DCHS2: variants seen among roughly 807,000 people sequenced by gnomAD.
DCHS2 encodes the protein dachsous cadherin-related 2, also known as protocadherin-23.
DCHS2 carries 142 observed loss-of-function variants against 182.4 expected under a neutral mutation model. The ratio of observed to expected loss-of-function variants is 0.78; its 90% confidence interval spans 0.68 to 0.89. The LOEUF is 0.89. Among genes scored for constraint, DCHS2 ranks in the 40% least tolerant of loss-of-function variants. The pLI, the probability that DCHS2 is intolerant of heterozygous loss-of-function variation, is 0.00. For synonymous variants in DCHS2, 1,740 were observed against 1,663.3 expected (o/e 1.05, Z -1.12); for missense variants, 4,319 against 4,198.6 (o/e 1.03, Z -0.79).
intron 3 of DCHS2, among the ~76,000 whole-genome samples, chr4:154,358,770 C>T (rs1332004296): frequency 6.6e-6 from 1 of 151,410 alleles, no homozygotes; most frequent in Non-Finnish European, 1.5e-5. Context: ...TTTTTTTCAA[C>T]TTTATTGAGT....
chr4:154,357,410 T>C (rs1332988339), intron 3 of DCHS2: 3 of 837,790 alleles, frequency 3.6e-6, no homozygotes, highest in Admixed American at 3.9e-5. Context: ...CCTTTCTTCA[T>C]AGTCCAGGAC....
At chr4:154,295,849 G>C (rs1734903805) in intron 13 of DCHS2, among the ~76,000 whole-genome samples, 1 of 152,172 alleles carries the variant, frequency 6.6e-6, no homozygotes, top group South Asian at 2.1e-4. Context: ...CATGTGCCCA[G>C]CCTTACCAAG....
At chr4:154,379,143 A>G (rs975239666) in intron 1 of DCHS2, among the ~76,000 whole-genome samples, 4 of 152,218 alleles carry the variant, frequency 2.6e-5, no homozygotes, top group African/African-American at 7.2e-5. Context: ...GACATCACAG[A>G]AAAAGAGAAG....
chr4:154,404,883 T>C (rs1732332870), intron 1 of DCHS2, among the ~76,000 whole-genome samples: 1 of 152,224 alleles, frequency 6.6e-6, no homozygotes, highest in Non-Finnish European at 1.5e-5. Context: ...TAACCTGTCA[T>C]TCCCTGCTAC....
intron 13 of DCHS2, among the ~76,000 whole-genome samples, chr4:154,273,455 G>T (rs538270138): frequency 6.6e-6 from 1 of 151,978 alleles, no homozygotes. Context: ...GGGACTTGGG[G>T]GAAAAGGTGG....
chr4:154,440,854 A>G (rs1172634256), intron 1 of DCHS2, among the ~76,000 whole-genome samples: 2 of 152,240 alleles, frequency 1.3e-5, no homozygotes, highest in Non-Finnish European at 2.9e-5. Context: ...TCCTTGCCAC[A>G]TAACTCAGAC....
intron 10 of DCHS2, among the ~76,000 whole-genome samples, chr4:154,309,371 C>T (rs1379667911): frequency 6.6e-6 from 1 of 152,136 alleles, no homozygotes; most frequent in Non-Finnish European, 1.5e-5. Context: ...AATGGGACTT[C>T]CTTCTTCCTA....
chr4:154,366,165 G>A, intron 3 of DCHS2, 45 bp downstream of exon 3: 1 of 1,534,178 alleles, frequency 6.5e-7, no homozygotes, highest in East Asian at 2.3e-5. Flanking sequence ...TAGTTAAGCA[G>A]AAACTTTATA....
intron 1 of DCHS2, among the ~76,000 whole-genome samples, chr4:154,480,788 T>A (rs1311523283): frequency 9.9e-5 from 15 of 152,198 alleles, no homozygotes. Context: ...TTAATATTCT[T>A]GTTAAAATTT....
chr4:154,417,143 C>T (rs895945454), intron 1 of DCHS2, among the ~76,000 whole-genome samples: 1 of 150,526 alleles, frequency 6.6e-6, no homozygotes. Flanking sequence ...CTGTCACCAC[C>T]TCAGGCCGGT....
intron 13 of DCHS2, among the ~76,000 whole-genome samples, chr4:154,289,407 C>T (rs562939345): frequency 3.9e-5 from 6 of 152,050 alleles, no homozygotes; most frequent in African/African-American, 7.2e-5. Flanking sequence ...AAAGCCTGAA[C>T]AGACCAATAA....
chr4:154,390,486 T>C (rs2110846278), intron 1 of DCHS2, among the ~76,000 whole-genome samples: 1 of 151,882 alleles, frequency 6.6e-6, no homozygotes, highest in South Asian at 2.1e-4. Flanking sequence ...ACCTCACTTT[T>C]ATATCACTAA....
At chr4:154,327,754 A>T (rs1736340237) in intron 7 of DCHS2, among the ~76,000 whole-genome samples, 1 of 152,150 alleles carries the variant, frequency 6.6e-6, no homozygotes, top group Non-Finnish European at 1.5e-5. Context: ...TCTTAGTCAT[A>T]CTTAATACCA....
chr4:154,267,710 G>GAA (rs34123074), intron 14 of DCHS2, among the ~76,000 whole-genome samples: 131,132 of 152,024 alleles, frequency 0.86, 57,319 homozygotes, highest in East Asian at 0.97. Context: ...TCTTCTTCCC[G>GAA]AAGCCTAGCT....
At chr4:154,313,873 T>C (rs920288324) in intron 10 of DCHS2, among the ~76,000 whole-genome samples, 1 of 152,202 alleles carries the variant, frequency 6.6e-6, no homozygotes, top group Non-Finnish European at 1.5e-5. Flanking sequence ...AAATTCTCAG[T>C]TGGCATACCA....
intron 1 of DCHS2, among the ~76,000 whole-genome samples, chr4:154,455,654 T>A (rs1399947648): frequency 2.0e-5 from 3 of 152,236 alleles, no homozygotes; most frequent in Admixed American, 2.0e-4. Flanking sequence ...ATAAGAACTG[T>A]ACTACGCAGC....
rs75953484 is a variant in DCHS2 at position 154,255,793 on chromosome 4, G to T, written c.6790-123C>A. On this transcript the variant is annotated intron_variant, in intron 15 of 19. Transcript: ENST00000357232. ...TCAAACATATTTTAAAAACAACGATGAAATGAAATACCAACAGACAACTGA... is the reference window on the plus strand; with the variant it reads ...TCAAACATATTTTAAAAACAACGATTAAATGAAATACCAACAGACAACTGA... 12,516 of 1,358,394 alleles carry T rather than the reference G, an allele frequency of 9.2e-3. 855 individuals carry two copies. The African/African-American group carries it at 0.16, about 17-fold the overall frequency. The allele number at this position is 1,358,394 out of a possible 1,614,324, so 84.1% of individuals were successfully genotyped here.
At chr4:154,372,444 C>T (rs1002826231) in intron 2 of DCHS2, among the ~76,000 whole-genome samples, 4 of 152,144 alleles carry the variant, frequency 2.6e-5, no homozygotes, top group Admixed American at 2.6e-4. Flanking sequence ...GAGCTCAGTC[C>T]GTTTACTTCC....
In DCHS2 at chr4:154,236,273, A is replaced by T; in HGVS notation, c.8379T>A (p.Ala2793=). Residue 2793 remains alanine (A), a synonymous_variant, in exon 20 of 20, where the codon GCT becomes GCA. Coordinates refer to ENST00000357232, the MANE Select transcript of DCHS2 (RefSeq NM_001358235.2). ...PISSTICSIN[A]LDFDAGPYGE... ...CATACGGACCAGCATCAAAATCCAG[A>T]GCATTTATAGAGCATATGGTAGAGG... 1.2e-6 allele frequency: 2 copies of T among 1,614,062 alleles called. No individual in the cohort carries two copies. Among genetic ancestry groups the T allele is most frequent in the Non-Finnish European group, 8.5e-7 (1 of 1,179,968 alleles).
Sources: allele counts gnomAD v4.1 joint callset (sites outside exome capture counted in the v4.1 genomes callset), GRCh38; gene constraint gnomAD v4.1.1; transcripts MANE v1.5; gene names NCBI Gene and HGNC (gene_info 2026-07-23, HGNC 2026-07-21).